Variants in B3GALT1 observed in about 807,000 individuals in gnomAD.
B3GALT1 encodes beta-1,3-galactosyltransferase 1, also known as UDP-Gal:betaGlcNAc beta 1,3-galactosyltransferase, polypeptide 1.
In B3GALT1, 10 loss-of-function variants were observed where a neutral mutation model predicts 23.2. The observed-to-expected ratio is 0.43, with a 90% CI of 0.27 to 0.73. The LOEUF (loss-of-function observed/expected upper bound fraction) is 0.73, where lower values mean the gene tolerates loss of function less well. Among genes scored for constraint, B3GALT1 ranks in the 30% least tolerant of loss-of-function variants. The pLI is 0.21. For missense variants in B3GALT1, 299 were observed against 405.4 expected, an observed-to-expected ratio of 0.74 and a Z score of 2.25; for synonymous variants, 156 against 141.5, an observed-to-expected ratio of 1.10 and a Z score of -0.73.
At chr2:167,845,857 A>G (rs1440350851) in intron 4 of B3GALT1, among the ~76,000 whole-genome samples, 2 of 152,116 alleles carry the variant, frequency 1.3e-5, no homozygotes, top group Non-Finnish European at 2.9e-5. Context: ...TCAAAAAACA[A>G]TAAAAGAAGT....
At chr2:167,657,058 A>G (rs933946919) in intron 3 of B3GALT1, among the ~76,000 whole-genome samples, 3 of 152,118 alleles carry the variant, frequency 2.0e-5, no homozygotes, top group Non-Finnish European at 4.4e-5. Flanking sequence ...TGGTTTTTCA[A>G]CTGGTCAAGA....
In B3GALT1 at chr2:167,612,859, G is replaced by C. The variant is rs112972219; in HGVS notation, c.-409-34050G>C. 3.0e-4 allele frequency among the ~76,000 whole-genome samples: 46 copies of C among 151,960 alleles called. 1 individual carries two copies. The highest frequency in any genetic ancestry group is 9.4e-4 in the African/African-American group (39 of 41,514). ...CACTTTCTACAACAGCTTCTATTTT[G>C]GTTCATCTTATTGAGAAAGCAAGAT... On this transcript the variant is annotated intron_variant, in intron 2 of 4. Coordinates refer to ENST00000392690, the MANE Select transcript of B3GALT1 (RefSeq NM_020981.4).
At chr2:167,706,250 G>A (rs2105514269) in intron 3 of B3GALT1, among the ~76,000 whole-genome samples, 1 of 152,344 alleles carries the variant, frequency 6.6e-6, no homozygotes, top group Non-Finnish European at 1.5e-5. Flanking sequence ...AAAGAAGGCA[G>A]AGGACACTAA....
chr2:167,696,845 C>T (rs1686799329), intron 3 of B3GALT1, among the ~76,000 whole-genome samples: 1 of 152,164 alleles, frequency 6.6e-6, no homozygotes, highest in African/African-American at 2.4e-5. Context: ...GCAGCAACAG[C>T]TGTTGATTGA....
chr2:167,809,678 G>C (rs1425899533), intron 3 of B3GALT1, among the ~76,000 whole-genome samples: 1 of 152,200 alleles, frequency 6.6e-6, no homozygotes, highest in African/African-American at 2.4e-5. Flanking sequence ...GCCGTATGAG[G>C]TGTCAGTCTG....
At chr2:167,474,378 C>T (rs7567053) in intron 1 of B3GALT1, among the ~76,000 whole-genome samples, 4,667 of 152,162 alleles carry the variant, frequency 0.031, 221 homozygotes, top group African/African-American at 0.11. Context: ...TTGTGTTTTA[C>T]CTTCTATCTC....
chr2:167,424,137 A>C (rs1698589333), intron 1 of B3GALT1, among the ~76,000 whole-genome samples: 1 of 152,198 alleles, frequency 6.6e-6, no homozygotes, highest in Non-Finnish European at 1.5e-5. Flanking sequence ...TAACATGCTA[A>C]ATTGTTTGCT....
chr2:167,795,149 C>CT (rs1165008839), intron 3 of B3GALT1, among the ~76,000 whole-genome samples: 2 of 152,054 alleles, frequency 1.3e-5, no homozygotes, highest in Non-Finnish European at 2.9e-5. Context: ...CTGCCCTTTG[C>CT]TTTTTTATTA....
chr2:167,706,702 A>G (rs1420701559), intron 3 of B3GALT1, among the ~76,000 whole-genome samples: 1 of 152,222 alleles, frequency 6.6e-6, no homozygotes, highest in Non-Finnish European at 1.5e-5. Context: ...GAATATCCCC[A>G]GTGGTCCCCC....
chr2:167,729,917 A>G (rs1351414895), intron 3 of B3GALT1, among the ~76,000 whole-genome samples: 2 of 152,110 alleles, frequency 1.3e-5, no homozygotes, highest in African/African-American at 4.8e-5. Context: ...TTCCTCCTCC[A>G]ATTAGACCCA....
chr2:167,551,048 T>C lies in B3GALT1; in HGVS notation c.-410+60771T>C, dbSNP rs1214297393. ...TGCACATGAGAAAAGATGGTGGTGA[T>C]GTCGGATTGCCCAGGACATTGTATA... On this transcript the variant is annotated intron_variant, in intron 2 of 4. Transcript: ENST00000392690. Among the ~76,000 whole-genome samples, 3 of 133,600 alleles carry C rather than the reference T, an allele frequency of 2.2e-5. 1 individual carries two copies. Among genetic ancestry groups the C allele is most frequent in the South Asian group, 4.8e-4 (2 of 4,188 alleles). The allele number at this position is 133,600 out of a possible 152,430, so 87.6% of individuals were successfully genotyped here.
intron 1 of B3GALT1, among the ~76,000 whole-genome samples, chr2:167,299,378 ATAGT>A (rs1303343417): frequency 7.2e-5 from 11 of 152,210 alleles, no homozygotes; most frequent in African/African-American, 2.2e-4. Context: ...ATATGAACTA[ATAGT>A]TAGGCCTCCT....
intron 3 of B3GALT1, among the ~76,000 whole-genome samples, chr2:167,706,021 C>A (rs1686962281): frequency 6.6e-6 from 1 of 152,136 alleles, no homozygotes; most frequent in Non-Finnish European, 1.5e-5. Flanking sequence ...GAGCCTGAAG[C>A]AATCTAGGTT....
chr2:167,736,744 AAAAG>A (rs1687498164), intron 3 of B3GALT1, among the ~76,000 whole-genome samples: 1 of 152,190 alleles, frequency 6.6e-6, no homozygotes, highest in African/African-American at 2.4e-5. Flanking sequence ...TCTACTAAAA[AAAAG>A]AAAGAAAAAT....
At chr2:167,510,782 A>T (rs993893743) in intron 2 of B3GALT1, among the ~76,000 whole-genome samples, 15 of 152,282 alleles carry the variant, frequency 9.9e-5, no homozygotes, top group Non-Finnish European at 1.3e-4. Flanking sequence ...TAAATTTGAG[A>T]TGCAAATTAA....
intron 1 of B3GALT1, among the ~76,000 whole-genome samples, chr2:167,382,198 CAT>C (rs750389154): frequency 6.6e-6 from 1 of 152,138 alleles, no homozygotes; most frequent in African/African-American, 2.4e-5. Flanking sequence ...TAATTTCCCT[CAT>C]GTGGCAAAAC....
rs950753268 is a variant in B3GALT1 at position 167,871,609 on chromosome 2, G to A, written c.*1589G>A. 4.6e-5 allele frequency: 7 copies of A among 152,176 alleles called. No individual in the cohort carries two copies. The highest frequency in any genetic ancestry group is 1.4e-4 in the African/African-American group (6 of 41,454). 9.4% of individuals were successfully genotyped at this position (152,176 alleles called of 1,614,324 possible). A position where few individuals can be genotyped will look rare whatever the true frequency, so the allele number is the denominator to read the frequency against. On this transcript the variant is annotated 3_prime_UTR_variant, in exon 5 of 5. Transcript: ENST00000392690. ...CAAGGTGCTGAAAGTAGAGGCAGCT[G>A]CCTTTCTTTGGGAAGGAACCTCTGG...
chr2:167,392,551 G>C (rs182924097), intron 1 of B3GALT1, among the ~76,000 whole-genome samples: 110 of 152,134 alleles, frequency 7.2e-4, no homozygotes, highest in Admixed American at 7.2e-3. Flanking sequence ...AATTATTATC[G>C]ATTTCAATTT....
intron 1 of B3GALT1, among the ~76,000 whole-genome samples, chr2:167,448,265 C>T (rs1167614408): frequency 6.6e-6 from 1 of 152,102 alleles, no homozygotes; most frequent in African/African-American, 2.4e-5. Context: ...TTCCTTTTCA[C>T]CACATCTATG....
Sources: gnomAD v4.1 joint callset for allele counts (sites outside exome capture counted in the v4.1 genomes callset) on GRCh38, gnomAD v4.1.1 for gene constraint, MANE v1.5 for transcripts, NCBI Gene and HGNC (gene_info 2026-07-23, HGNC 2026-07-21) for gene names.